TMX4: variants seen among roughly 807,000 people sequenced by gnomAD.
TMX4 encodes thioredoxin-related transmembrane protein 4.
In TMX4, 23 loss-of-function variants were observed where a neutral mutation model predicts 33.3. The ratio of observed to expected loss-of-function variants is 0.69; its 90% CI spans 0.50 to 0.98. The LOEUF is 0.98. TMX4 is among the 50% of genes least tolerant of loss of function. The pLI is 0.00. For synonymous variants in TMX4, 164 were observed against 161.5 expected, an observed-to-expected ratio of 1.02 and a Z score of -0.12; for missense variants, 399 against 448.9, an observed-to-expected ratio of 0.89 and a Z score of 1.01.
At chr20:8,011,813 A>C (rs2050754259) in intron 1 of TMX4, among the ~76,000 whole-genome samples, 2 of 152,234 alleles carry the variant, frequency 1.3e-5, no homozygotes, top group South Asian at 4.1e-4. Context: ...AAACATCATT[A>C]ATCTTTCCAT....
chr20:7,982,707 A>C (rs1261773714), intron 7 of TMX4, 86 bp from the exon 8 acceptor site: 1 of 1,420,212 alleles, frequency 7.0e-7, no homozygotes, highest in Non-Finnish European at 9.5e-7. Context: ...TGAAATAAAA[A>C]TAGAGGGTAA....
chr20:8,003,157 T>C (rs1435917274), intron 2 of TMX4, among the ~76,000 whole-genome samples: 2 of 152,180 alleles, frequency 1.3e-5, no homozygotes, highest in South Asian at 2.1e-4. Flanking sequence ...AAAACTAGTA[T>C]ATGCCTTTGG....
intron 5 of TMX4, among the ~76,000 whole-genome samples, chr20:7,991,267 G>C (rs2050653452): frequency 6.6e-6 from 1 of 152,140 alleles, no homozygotes; most frequent in South Asian, 2.1e-4. Context: ...TTAGGAAAGG[G>C]AAGTTACATC....
At chr20:8,010,616 G>A (rs1393275940) in intron 1 of TMX4, among the ~76,000 whole-genome samples, 1 of 151,996 alleles carries the variant, frequency 6.6e-6, no homozygotes, top group Non-Finnish European at 1.5e-5. Flanking sequence ...TCTCCAGATA[G>A]CTTTTGATCT....
At chr20:8,009,787 T>C (rs1243543083) in intron 2 of TMX4, among the ~76,000 whole-genome samples, 1 of 150,272 alleles carries the variant, frequency 6.7e-6, no homozygotes, top group Non-Finnish European at 1.5e-5. Context: ...TAATTGTTGA[T>C]TGCAAGAGAC....
intron 6 of TMX4, among the ~76,000 whole-genome samples, chr20:7,986,839 C>T (rs2050632835): frequency 3.3e-5 from 5 of 151,996 alleles, no homozygotes; most frequent in Non-Finnish European, 5.9e-5. Flanking sequence ...TATGCATAAG[C>T]GGCTAGTCAG....
At chr20:8,015,397 G>A (rs1335582419) in intron 1 of TMX4, among the ~76,000 whole-genome samples, 2 of 152,160 alleles carry the variant, frequency 1.3e-5, no homozygotes, top group Admixed American at 6.5e-5. Context: ...TCTGCAACAC[G>A]TGGGCCATTC....
At chr20:8,018,349 GGA>G (rs1158887842) in intron 1 of TMX4, among the ~76,000 whole-genome samples, 5 of 86,376 alleles carry the variant, frequency 5.8e-5, no homozygotes, top group Middle Eastern at 5.4e-3. Context: ...GAGAGAGGAG[GGA>G]GAGAGAGAGA....
At chr20:8,006,468 A>G (rs2122873460) in intron 2 of TMX4, among the ~76,000 whole-genome samples, 1 of 152,362 alleles carries the variant, frequency 6.6e-6, no homozygotes, top group Admixed American at 6.5e-5. Context: ...AAGATCTGCA[A>G]CCAAATAGAA....
intron 1 of TMX4, chr20:8,018,846 T>C (rs2050795756): frequency 3.8e-6 from 1 of 259,840 alleles, no homozygotes; most frequent in African/African-American, 2.4e-5. Context: ...CTGTAAAATT[T>C]AAAAGGCATC....
In TMX4 at chr20:7,977,799, T is replaced by C. The variant is rs1316759265; in HGVS notation, c.*4452A>G. The C allele has an allele frequency of 3.3e-5, 5 of 152,216 alleles. No individual in the cohort carries two copies. The highest frequency in any genetic ancestry group is 1.2e-4 in the African/African-American group (5 of 41,464). The allele number at this position is 152,216 out of a possible 1,614,324, so 9.4% of individuals were successfully genotyped here. On this transcript the variant is annotated 3_prime_UTR_variant, in exon 8 of 8. Transcript: ENST00000246024. ...CTAATAACAAATACGATTAAACCACTTCAGAAACACGTCAAAGTTGTACGA... is the reference window on the plus strand; with the variant it reads ...CTAATAACAAATACGATTAAACCACCTCAGAAACACGTCAAAGTTGTACGA...
Position 7,979,049 on chromosome 20 carries a change from G to T in TMX4, c.*3202C>A, listed in dbSNP as rs574282295. 1.3e-5 allele frequency: 2 copies of T among 151,072 alleles called. No individual in the cohort carries two copies. Among genetic ancestry groups the T allele is most frequent in the Admixed American group, 6.6e-5 (1 of 15,182 alleles). 9.4% of individuals were successfully genotyped at this position (151,072 alleles called of 1,614,324 possible). ...ATTCTGTGACTAAATAACTGATACT[G>T]CAATAGAGGGAAGCATGATTTTAAT... On this transcript the variant is annotated 3_prime_UTR_variant, in exon 8 of 8. Transcript: ENST00000246024.
chr20:8,018,121 A>C (rs1180945795), intron 1 of TMX4, among the ~76,000 whole-genome samples: 2 of 151,550 alleles, frequency 1.3e-5, no homozygotes, highest in African/African-American at 4.9e-5. Context: ...GAAAGAATCA[A>C]AACTTGGTCT....
In TMX4 at chr20:8,019,574, G is replaced by T. The variant is rs1435374248; in HGVS notation, c.40C>A (p.Leu14Met). 7.1e-7 allele frequency: 1 copy of T among 1,402,526 alleles called. No individual in the cohort carries two copies. Among genetic ancestry groups the T allele is most frequent in the Non-Finnish European group, 9.3e-7 (1 of 1,080,540 alleles). 86.9% of individuals were successfully genotyped at this position (1,402,526 alleles called of 1,614,324 possible). The change falls in exon 1 of 8, where the codon CTG becomes ATG. Residue 14 changes from leucine (L) to methionine (M), a missense_variant. Leu to Met is a conservative substitution (Grantham distance 15). Transcript: ENST00000246024. ...GRCGPQLTAL[L>M]AAWIAAVAAT... ...GCCACAGCCGCGATCCAGGCGGCCA[G>T]GAGCGCCGTTAGCTGCGGGCCGCAG...
At chr20:8,018,395 AG>A (rs1568541003) in intron 1 of TMX4, among the ~76,000 whole-genome samples, 1 of 44,660 alleles carries the variant, frequency 2.2e-5, no homozygotes, top group Admixed American at 2.4e-4. Context: ...AGAGAGAGGG[AG>A]GGAGGGAGGG....
At chr20:8,006,214 G>A (rs745879537) in intron 2 of TMX4, among the ~76,000 whole-genome samples, 1 of 150,450 alleles carries the variant, frequency 6.6e-6, no homozygotes, top group African/African-American at 2.4e-5. Flanking sequence ...CACCCCCAAC[G>A]CACACCCTGT....
At chr20:8,013,251 C>A (rs1412702977) in intron 1 of TMX4, among the ~76,000 whole-genome samples, 2 of 152,138 alleles carry the variant, frequency 1.3e-5, no homozygotes, top group East Asian at 3.8e-4. Context: ...CACTGGCAAT[C>A]TTCTCCTAAG....
At position 7,980,399 on chromosome 20, in the gene TMX4, C is replaced by A. The variant is rs1325881318; in HGVS notation, c.*1852G>T. On this transcript the variant is annotated 3_prime_UTR_variant, in exon 8 of 8. Coordinates refer to ENST00000246024, the MANE Select transcript of TMX4 (RefSeq NM_021156.4). ...ATCCAGTGACACGAGGGCAGGCAGG[C>A]CCCGCTCTGCTCTGATCGAGAAAAG... is the stretch of plus-strand genomic sequence containing the variant. 1 of 152,180 alleles carries A rather than the reference C, an allele frequency of 6.6e-6. No homozygotes were observed. The highest frequency in any genetic ancestry group is 1.5e-5 in the Non-Finnish European group (1 of 68,066). The allele number at this position is 152,180 out of a possible 1,614,324, so 9.4% of individuals were successfully genotyped here. A position where few individuals can be genotyped will look rare whatever the true frequency, so the allele number is the denominator to read the frequency against.
At chr20:8,012,253 C>T (rs897882430) in intron 1 of TMX4, among the ~76,000 whole-genome samples, 12 of 152,058 alleles carry the variant, frequency 7.9e-5, no homozygotes, top group Non-Finnish European at 1.8e-4. Flanking sequence ...CCTCAGTTTC[C>T]TCAACTGTAA....
Sources: gnomAD v4.1 joint callset for allele counts (sites outside exome capture counted in the v4.1 genomes callset) on GRCh38, gnomAD v4.1.1 for gene constraint, MANE v1.5 for transcripts, NCBI Gene and HGNC (gene_info 2026-07-23, HGNC 2026-07-21) for gene names.